Variants in FSIP2 observed in about 807,000 individuals in gnomAD.
FSIP2 encodes fibrous sheath interacting protein 2, also known as fibrous sheath-interacting protein 2.
A neutral mutation model predicts 510.5 loss-of-function variants in FSIP2; 367 were observed. The observed-to-expected ratio is 0.72, with a 90% CI of 0.66 to 0.78. FSIP2 has a LOEUF of 0.78. Ranked by LOEUF, FSIP2 falls within the 30% of genes least tolerant of loss-of-function variation. FSIP2 has a pLI of 0.00. For synonymous variants in FSIP2, 2,601 were observed against 2,732.2 expected (o/e 0.95, Z 1.50); for missense variants, 7,594 against 7,901.7 (o/e 0.96, Z 1.48).
chr2:185,774,579 G>A (rs1692677982), intron 13 of FSIP2, among the ~76,000 whole-genome samples: 3 of 103,436 alleles, frequency 2.9e-5, no homozygotes. Flanking sequence ...CCATCAAGCA[G>A]GATTTTTTTT....
At position 185,792,699 on chromosome 2, in the gene FSIP2, T is replaced by G; in HGVS notation, c.5563T>G (p.Tyr1855Asp). Reference sequence around the variant, plus strand: ...TGTTAGGACTGTATTTCACAAACTTTATTCAGCTGCCATGACAGAAAGAAA... The same window carrying G: ...TGTTAGGACTGTATTTCACAAACTTGATTCAGCTGCCATGACAGAAAGAAA... ...NIVRTVFHKL[Y>D]SAAMTERNVR... The change falls in exon 16 of 23, where the codon TAT becomes GAT. Residue 1855 changes from tyrosine (Y) to aspartate (D), a missense_variant. Coordinates refer to ENST00000424728, the MANE Select transcript of FSIP2 (RefSeq NM_173651.4). 6.5e-7 allele frequency: 1 copy of G among 1,533,768 alleles called. No individual in the cohort carries two copies. Among genetic ancestry groups the G allele is most frequent in the South Asian group, 1.2e-5 (1 of 83,992 alleles).
chr2:185,777,642 A>G (rs1692755179), intron 13 of FSIP2, among the ~76,000 whole-genome samples: 1 of 152,124 alleles, frequency 6.6e-6, no homozygotes, highest in African/African-American at 2.4e-5. Flanking sequence ...AATATAATTT[A>G]TGTATCTGTT....
intron 9 of FSIP2, among the ~76,000 whole-genome samples, chr2:185,759,280 G>A (rs893166837): frequency 6.7e-6 from 1 of 149,408 alleles, no homozygotes; most frequent in African/African-American, 2.4e-5. Flanking sequence ...ATAATCACAC[G>A]AATCTGCTCC....
In FSIP2 at chr2:185,763,240, G is replaced by A. The variant is rs1287212331; in HGVS notation, c.1298G>A (p.Arg433Lys). The A allele has an allele frequency of 1.6e-5, 25 of 1,523,314 alleles. No individual in the cohort carries two copies. The highest frequency in any genetic ancestry group is 2.0e-5 in the Non-Finnish European group (23 of 1,136,026). 94.4% of individuals were successfully genotyped at this position (1,523,314 alleles called of 1,614,324 possible). The stretch of plus-strand genomic sequence containing the variant: ...ATTTCAGCGCAGGTATCACCCACGA[G>A]AAATTTTTCCAGAGTTTCACAGGCA... ...SIISAQVSPT[R>K]NFSRVSQAFL... The change falls in exon 12 of 23, where the codon AGA (arginine) becomes AAA (lysine). Residue 433 changes from arginine to lysine, a missense_variant. Arg to Lys is a conservative substitution (Grantham distance 26). Coordinates refer to ENST00000424728, the MANE Select transcript of FSIP2 (RefSeq NM_173651.4).
chr2:185,791,069 AC>A lies in FSIP2; in HGVS notation c.3934del (p.Leu1312PhefsTer6). 6.5e-7 allele frequency: 1 copy of A among 1,532,134 alleles called. No homozygotes were observed. The highest frequency in any genetic ancestry group is 8.7e-7 in the Non-Finnish European group (1 of 1,144,766). The allele number at this position is 1,532,134 out of a possible 1,614,324, so 94.9% of individuals were successfully genotyped here. A position where few individuals can be genotyped will look rare whatever the true frequency, so the allele number is the denominator to read the frequency against. On this transcript the variant is annotated frameshift_variant, in exon 16 of 23. Coordinates refer to ENST00000424728, the MANE Select transcript of FSIP2 (RefSeq NM_173651.4). LOFTEE classifies it high-confidence loss of function. ...VLCAIQNELE[L>X]HKENLNLREI... ...TATGTGCTATCCAGAATGAACTGGA[AC>A]TTCACAAGGAAAACCTAAATCTTAG...
chr2:185,790,369 A>G lies in FSIP2; in HGVS notation c.3233A>G (p.Glu1078Gly), dbSNP rs1693091396. Residue 1078 changes from glutamate (E) to glycine (G), a missense_variant, in exon 16 of 23, where the codon GAA becomes GGA. Physicochemically the swap from Glu to Gly is moderately conservative, Grantham distance 98. Coordinates refer to ENST00000424728, the MANE Select transcript of FSIP2 (RefSeq NM_173651.4). ...LKTEPPSTNH[E>G]DILKKKLSSN... ...ACTGAGCCACCATCTACTAATCATG[A>G]AGATATTTTAAAGAAAAAACTTTCT... The G allele has an allele frequency of 6.5e-7, 1 of 1,528,946 alleles. No individual in the cohort carries two copies. Among genetic ancestry groups the G allele is most frequent in the Non-Finnish European group, 8.7e-7 (1 of 1,144,226 alleles). The allele number at this position is 1,528,946 out of a possible 1,614,324, so 94.7% of individuals were successfully genotyped here.
Position 185,803,644 on chromosome 2 carries a change from C to G in FSIP2, c.14338C>G (p.Gln4780Glu). The change falls in exon 17 of 23, where the codon CAA becomes GAA. Residue 4780 changes from glutamine (Q) to glutamate (E), a missense_variant. Transcript: ENST00000424728. ...YDISKSRFQR[Q>E]ASTMYTTMLS... ...TATAAGTAAATCAAGATTCCAAAGA[C>G]AAGCTTCAACAATGTATACCACTAT... The G allele has an allele frequency of 6.5e-7, 1 of 1,528,368 alleles. No individual in the cohort carries two copies. Among genetic ancestry groups the G allele is most frequent in the Non-Finnish European group, 8.7e-7 (1 of 1,143,056 alleles). 94.7% of individuals were successfully genotyped at this position (1,528,368 alleles called of 1,614,324 possible).
In FSIP2 at chr2:185,792,784, A is replaced by T. The variant is rs1693169443; in HGVS notation, c.5648A>T (p.His1883Leu). The part of the protein sequence containing the change: ...TFSANVSSHE[H>L]TYKGKSSVTA... Reference sequence around the variant, plus strand: ...TCAGCAAATGTTTCTTCTCATGAACACACCTATAAAGGAAAGTCCTCTGTC... The same window carrying T: ...TCAGCAAATGTTTCTTCTCATGAACTCACCTATAAAGGAAAGTCCTCTGTC... The change falls in exon 16 of 23, where the codon CAC becomes CTC. Residue 1883 changes from histidine (H) to leucine (L), a missense_variant. Physicochemically the swap from His to Leu is moderately conservative, Grantham distance 99. Transcript: ENST00000424728. 1.3e-6 allele frequency: 2 copies of T among 1,534,316 alleles called. No individual in the cohort carries two copies.
intron 12 of FSIP2, among the ~76,000 whole-genome samples, chr2:185,763,972 A>T (rs1012643362): frequency 2.0e-5 from 3 of 151,668 alleles, no homozygotes; most frequent in Non-Finnish European, 4.4e-5. Flanking sequence ...GGTTTAGTTC[A>T]CTGTTCTACC....
In FSIP2 at chr2:185,786,286, A is replaced by G; in HGVS notation, c.1504A>G (p.Lys502Glu). ...CTTGCTGCAAAATTGCTTGCAAGAA[A>G]AAGTATGTATCATAAAATCCACCGA... is the stretch of plus-strand genomic sequence containing the variant. ...QNLLQNCLQE[K>E]VTSEELNIII... The change falls in exon 15 of 23, where the codon AAA becomes GAA. Residue 502 changes from lysine (K) to glutamate (E), a missense_variant and splice_region_variant. By Grantham distance (56) the Lys-to-Glu change is moderately conservative. Coordinates refer to ENST00000424728, the MANE Select transcript of FSIP2 (RefSeq NM_173651.4). The G allele has an allele frequency of 3.3e-6, 5 of 1,523,274 alleles. No individual in the cohort carries two copies. Among genetic ancestry groups the G allele is most frequent in the Non-Finnish European group, 4.4e-6 (5 of 1,137,554 alleles). The allele number at this position is 1,523,274 out of a possible 1,614,324, so 94.4% of individuals were successfully genotyped here.
At position 185,753,824 on chromosome 2, in the gene FSIP2, G is replaced by A. The variant is rs531767210; in HGVS notation, c.973G>A (p.Gly325Ser). Reference protein sequence around the residue: ...DIGKNTFKYRGQDGTHASPKN... With the variant: ...DIGKNTFKYRSQDGTHASPKN... ...AGGAAAAAATACATTTAAATACAGA[G>A]GTCAAGATGGAACACATGGTGAATG... Residue 325 changes from glycine (G) to serine (S), a missense_variant, in exon 8 of 23, where the codon GGT (glycine) becomes AGT (serine). Gly to Ser is a moderately conservative substitution (Grantham distance 56). Coordinates refer to ENST00000424728, the MANE Select transcript of FSIP2 (RefSeq NM_173651.4). 3 of 1,477,502 alleles carry A rather than the reference G, an allele frequency of 2.0e-6. No homozygotes were observed. In the South Asian group the frequency reaches 4.1e-5, roughly 20 times the overall value. The allele number at this position is 1,477,502 out of a possible 1,614,324, so 91.5% of individuals were successfully genotyped here.
intron 7 of FSIP2, among the ~76,000 whole-genome samples, chr2:185,753,076 A>G (rs1397273108): frequency 1.3e-5 from 2 of 151,280 alleles, no homozygotes; most frequent in East Asian, 1.9e-4. Flanking sequence ...TCAATGCCCT[A>G]TGACTCATGA....
intron 19 of FSIP2, among the ~76,000 whole-genome samples, chr2:185,821,689 T>C (rs1441544424): frequency 6.6e-6 from 1 of 151,704 alleles, no homozygotes; most frequent in East Asian, 2.0e-4. Flanking sequence ...TTTGAGAGGT[T>C]AAGATGGGCA....
At chr2:185,785,899 G>T (rs890597441) in intron 14 of FSIP2, among the ~76,000 whole-genome samples, 1 of 151,910 alleles carries the variant, frequency 6.6e-6, no homozygotes, top group African/African-American at 2.4e-5. Context: ...GCTTTTAGCA[G>T]TCAGAAGGGA....
At chr2:185,760,622 A>G (rs891992691) in intron 9 of FSIP2, among the ~76,000 whole-genome samples, 12 of 150,548 alleles carry the variant, frequency 8.0e-5, no homozygotes, top group African/African-American at 2.2e-4. Context: ...GCCATACAAT[A>G]GAATTCTTCT....
chr2:185,808,084 G>A lies in FSIP2; in HGVS notation c.18778G>A (p.Val6260Ile). The A allele has an allele frequency of 1.2e-6, 2 of 1,607,960 alleles. No homozygotes were observed. Among genetic ancestry groups the A allele is most frequent in the East Asian group, 4.5e-5 (2 of 44,694 alleles). Residue 6260 changes from valine (V) to isoleucine (I), a missense_variant, in exon 17 of 23, where the codon GTT becomes ATT. Val to Ile is a conservative substitution (Grantham distance 29). Coordinates refer to ENST00000424728, the MANE Select transcript of FSIP2 (RefSeq NM_173651.4). ...CATAGTTAATTCTATTTATACCAGT[G>A]TTTTAAAGCACTCTGGCTCTTATAC... is the stretch of plus-strand genomic sequence containing the variant. ...ENIVNSIYTS[V>I]LKHSGSYTSV... is the part of the protein sequence containing the mutation.
chr2:185,801,076 T>G lies in FSIP2; in HGVS notation c.11770T>G (p.Ser3924Ala). The stretch of plus-strand genomic sequence containing the variant: ...CCTGAATAATCCCAGTGTGGTTAGC[T>G]CCAAAATACAAGCACCATTTAACAA... ...VSLNNPSVVS[S>A]KIQAPFNKHC... Residue 3924 changes from serine (S) to alanine (A), a missense_variant, in exon 17 of 23, where the codon TCC becomes GCC. Ser to Ala is a moderately conservative substitution (Grantham distance 99). Coordinates refer to ENST00000424728, the MANE Select transcript of FSIP2 (RefSeq NM_173651.4). The G allele has an allele frequency of 3.9e-6, 6 of 1,532,146 alleles. No homozygotes were observed. The highest frequency in any genetic ancestry group is 5.2e-6 in the Non-Finnish European group (6 of 1,144,896). The allele number at this position is 1,532,146 out of a possible 1,614,324, so 94.9% of individuals were successfully genotyped here.
intron 21 of FSIP2, among the ~76,000 whole-genome samples, chr2:185,831,138 T>C (rs1694101246): frequency 6.6e-6 from 1 of 151,904 alleles, no homozygotes; most frequent in Admixed American, 6.6e-5. Flanking sequence ...TTAAGCCTTG[T>C]TTTACTGATT....
chr2:185,772,884 C>G (rs1692635765), intron 13 of FSIP2, among the ~76,000 whole-genome samples: 1 of 139,374 alleles, frequency 7.2e-6, no homozygotes, highest in Non-Finnish European at 1.5e-5. Flanking sequence ...TTTCTTTTTT[C>G]AGATCTAGCT....
Sources: allele counts gnomAD v4.1 joint callset (sites outside exome capture counted in the v4.1 genomes callset), GRCh38; gene constraint gnomAD v4.1.1; transcripts MANE v1.5; gene names NCBI Gene and HGNC (gene_info 2026-07-23, HGNC 2026-07-21).